The following UCHL1 variants were observed in gnomAD, a reference collection of about 807,000 sequenced individuals.
UCHL1 encodes ubiquitin carboxyl-terminal hydrolase isozyme L1.
In UCHL1, 5 loss-of-function variants were observed where a neutral mutation model predicts 33.3. That is an observed-to-expected ratio of 0.15 (90% confidence interval 0.08 to 0.32). The LOEUF (loss-of-function observed/expected upper bound fraction) is 0.32. Ranked by LOEUF, UCHL1 falls within the 10% of genes least tolerant of loss-of-function variation. The pLI, the probability that UCHL1 is intolerant of heterozygous loss-of-function variation, is 1.00. For synonymous variants in UCHL1, 132 were observed against 108.8 expected (o/e 1.21, Z -1.33); for missense variants, 236 against 280.0 (o/e 0.84, Z 1.12).
intron 3 of UCHL1, 78 bp from the exon 4 acceptor site, chr4:41,260,569 A>G: frequency 1.3e-6 from 2 of 1,540,802 alleles, no homozygotes; most frequent in Non-Finnish European, 1.8e-6. Flanking sequence ...GTTTCCATTT[A>G]GTTGGTAGAA....
chr4:41,258,906 C>T (rs2154087135), intron 3 of UCHL1, among the ~76,000 whole-genome samples: 1 of 152,264 alleles, frequency 6.6e-6, no homozygotes, highest in Admixed American at 6.5e-5. Context: ...CCTGGTTGAC[C>T]AAATCAGTCT....
In UCHL1 at chr4:41,268,277, T is replaced by C; in HGVS notation, c.*204T>C. Reference sequence around the variant, plus strand: ...TCCACTGGGCCATTGTGGTGTGAGCTTCAGATGGTGAAGCATTCTCCCCAG... The same window carrying C: ...TCCACTGGGCCATTGTGGTGTGAGCCTCAGATGGTGAAGCATTCTCCCCAG... On this transcript the variant is annotated 3_prime_UTR_variant, in exon 9 of 9. Coordinates refer to ENST00000284440, the MANE Select transcript of UCHL1 (RefSeq NM_004181.5). 1 of 614,186 alleles carries C rather than the reference T, an allele frequency of 1.6e-6. No homozygotes were observed. Among genetic ancestry groups the C allele is most frequent in the Non-Finnish European group, 2.9e-6 (1 of 343,774 alleles). The allele number at this position is 614,186 out of a possible 1,614,324, so 38.0% of individuals were successfully genotyped here.
chr4:41,267,370 G>C lies in UCHL1; in HGVS notation c.586-617G>C, dbSNP rs144550198. On this transcript the variant is annotated intron_variant, in intron 8 of 8. Transcript: ENST00000284440. Reference sequence around the variant, plus strand: ...GCCATTCTCCTGCCTTAGCCTCTCAGAGTAGCTGTGACTGCAGATGCCCGC... The same window carrying C: ...GCCATTCTCCTGCCTTAGCCTCTCACAGTAGCTGTGACTGCAGATGCCCGC... Among the ~76,000 whole-genome samples the C allele has an allele frequency of 4.1e-3, 622 of 152,238 alleles. 5 individuals are homozygous for C. Among genetic ancestry groups the C allele is most frequent in the African/African-American group, 0.015 (603 of 41,558 alleles).
chr4:41,265,770 C>T (rs1157654220), intron 8 of UCHL1, among the ~76,000 whole-genome samples: 6 of 152,064 alleles, frequency 3.9e-5, no homozygotes, highest in Non-Finnish European at 8.8e-5. Flanking sequence ...GTCAGACACA[C>T]CTGAGATCAG....
intron 3 of UCHL1, among the ~76,000 whole-genome samples, chr4:41,259,297 T>C (rs1012268944): frequency 5.9e-5 from 9 of 152,240 alleles, no homozygotes; most frequent in Non-Finnish European, 1.3e-4. Context: ...GGGAATGTTA[T>C]GACCCCCTAC....
At position 41,256,934 on chromosome 4, in the gene UCHL1, T is replaced by C; in HGVS notation, c.-43T>C. The C allele has an allele frequency of 2.5e-6, 4 of 1,613,960 alleles. No homozygotes were observed. Among genetic ancestry groups the C allele is most frequent in the Non-Finnish European group, 3.4e-6 (4 of 1,179,962 alleles). On this transcript the variant is annotated 5_prime_UTR_variant, in exon 1 of 9. Coordinates refer to ENST00000284440, the MANE Select transcript of UCHL1 (RefSeq NM_004181.5). ...CAGCCTGGGCGGCTCCGCTAGCTGT[T>C]TTTCGTCTTCCCTAGGCTATTTCTG...
In UCHL1 at chr4:41,257,651, G is replaced by T; in HGVS notation, c.88G>T (p.Asp30Tyr). 1 of 1,567,506 alleles carries T rather than the reference G, an allele frequency of 6.4e-7. No individual in the cohort carries two copies. ...LGVAGQWRFVDVLGLEEESLG... is the reference protein window; with the variant it reads ...LGVAGQWRFVYVLGLEEESLG... ...GGTCGCCGGCCAGTGGCGCTTCGTGGACGTGCTGGGGCTGGAAGAGGAGTC... is the reference window on the plus strand; with the variant it reads ...GGTCGCCGGCCAGTGGCGCTTCGTGTACGTGCTGGGGCTGGAAGAGGAGTC... The change falls in exon 3 of 9, where the codon GAC becomes TAC. Residue 30 changes from aspartate to tyrosine, a missense_variant. Physicochemically the swap from Asp to Tyr is radical, Grantham distance 160. Transcript: ENST00000284440.
At chr4:41,260,551 C>A in intron 3 of UCHL1, 96 bp from the exon 4 acceptor site, 1 of 1,454,950 alleles carries the variant, frequency 6.9e-7, no homozygotes, top group Non-Finnish European at 9.5e-7. Context: ...GTCACACATC[C>A]CACTGGTGTT....
intron 3 of UCHL1, among the ~76,000 whole-genome samples, 194 bp downstream of exon 3, chr4:41,257,931 G>A (rs1427540353): frequency 1.3e-5 from 2 of 152,188 alleles, no homozygotes; most frequent in East Asian, 3.9e-4. Context: ...TCGCCTTCTT[G>A]CCCATCCGTC....
At chr4:41,263,734 C>T (rs1409894481) in intron 7 of UCHL1, among the ~76,000 whole-genome samples, 1 of 152,208 alleles carries the variant, frequency 6.6e-6, no homozygotes, top group Non-Finnish European at 1.5e-5. Context: ...ATAGTGAAGG[C>T]AATCTACAGT....
intron 7 of UCHL1, 21 bp from the exon 8 acceptor site, chr4:41,264,082 T>C (rs1781117195): frequency 2.5e-6 from 4 of 1,614,116 alleles, no homozygotes; most frequent in Middle Eastern, 1.6e-4. Context: ...AAAATTGACA[T>C]GCCTGGCTTC....
chr4:41,266,190 G>C (rs1436773673), intron 8 of UCHL1, among the ~76,000 whole-genome samples: 2 of 149,848 alleles, frequency 1.3e-5, no homozygotes, highest in African/African-American at 5.0e-5. Flanking sequence ...CCAGAGTGCT[G>C]GGATTATAGG....
chr4:41,257,778 C>A, intron 3 of UCHL1, 41 bp downstream of exon 3: 1 of 1,539,152 alleles, frequency 6.5e-7, no homozygotes. Context: ...GCCGGCAGTG[C>A]ACGCCGCTCC....
chr4:41,266,226 C>CGTTTTTTTTTT (rs1554005212), intron 8 of UCHL1, among the ~76,000 whole-genome samples: 4 of 136,778 alleles, frequency 2.9e-5, no homozygotes, highest in Admixed American at 7.1e-5. Flanking sequence ...CTGGCTAAAA[C>CGTTTTTTTTTT]TTTTTTTTTT....
intron 4 of UCHL1, 81 bp from the exon 5 acceptor site, chr4:41,261,634 C>T (rs1781068761): frequency 1.4e-6 from 2 of 1,479,292 alleles, no homozygotes; most frequent in African/African-American, 2.8e-5. Flanking sequence ...TCAGCATGTT[C>T]AGCAAAGGCT....
At position 41,264,089 on chromosome 4, in the gene UCHL1, C is replaced by T; in HGVS notation, c.527-14C>T. 1 of 1,614,210 alleles carries T rather than the reference C, an allele frequency of 6.2e-7. No homozygotes were observed. The highest frequency in any genetic ancestry group is 8.5e-7 in the Non-Finnish European group (1 of 1,180,018). Reference sequence around the variant, plus strand: ...ATGCAGAGAAAATTGACATGCCTGGCTTCTTTGTTACAGATGGACGAATGC... The same window carrying T: ...ATGCAGAGAAAATTGACATGCCTGGTTTCTTTGTTACAGATGGACGAATGC... On this transcript the variant is annotated splice_polypyrimidine_tract_variant and intron_variant, in intron 7 of 8. Transcript: ENST00000284440.
At chr4:41,267,232 T>G (rs146413408) in intron 8 of UCHL1, among the ~76,000 whole-genome samples, 3 of 122 alleles carry the variant, frequency 0.025, no homozygotes, top group African/African-American at 0.028. Context: ...GTTAAGGCTG[T>G]TTTTTTTTTT....
chr4:41,265,408 T>C (rs1403505926), intron 8 of UCHL1, among the ~76,000 whole-genome samples: 1 of 152,094 alleles, frequency 6.6e-6, no homozygotes, highest in African/African-American at 2.4e-5. Flanking sequence ...TGAAACCCCA[T>C]CTCTACTAAA....
intron 8 of UCHL1, among the ~76,000 whole-genome samples, chr4:41,266,860 C>T (rs1781162893): frequency 6.6e-6 from 1 of 152,152 alleles, no homozygotes; most frequent in South Asian, 2.1e-4. Context: ...GCTGCCTCAG[C>T]TTCCCAAAGT....
Sources: gnomAD v4.1 joint callset for allele counts (sites outside exome capture counted in the v4.1 genomes callset) on GRCh38, gnomAD v4.1.1 for gene constraint, MANE v1.5 for transcripts, NCBI Gene and HGNC (gene_info 2026-07-23, HGNC 2026-07-21) for gene names.